SLC9A6: variants seen among roughly 807,000 people sequenced by gnomAD.
SLC9A6 encodes the protein solute carrier family 9 member A6.
A neutral mutation model predicts 45.3 loss-of-function variants in SLC9A6; 6 were observed. That is an observed-to-expected ratio of 0.13 (90% CI 0.07 to 0.26). SLC9A6 has a LOEUF of 0.26. SLC9A6 is among the 10% of genes least tolerant of loss of function. The pLI is 1.00. For missense variants in SLC9A6, 278 were observed against 503.7 expected (o/e 0.55, Z 4.29); for synonymous variants, 191 against 187.7 (o/e 1.02, Z -0.14).
chrX:136,014,313 C>G (rs1556619002), intron 10 of SLC9A6, among the ~76,000 whole-genome samples: 1 of 110,859 alleles, frequency 9.0e-6, no homozygotes, highest in Non-Finnish European at 1.9e-5. Context: ...CCCAGCCCCT[C>G]AAAAGAGATT....
At chrX:136,032,256 G>A (rs782331515) in intron 15 of SLC9A6, among the ~76,000 whole-genome samples, 1 of 111,852 alleles carries the variant, frequency 8.9e-6, no homozygotes, top group South Asian at 3.8e-4. Context: ...GTTTTTAGTA[G>A]AGACGGGGTT....
intron 1 of SLC9A6, chrX:135,974,900 C>G: frequency 7.6e-6 from 2 of 261,531 alleles, no homozygotes; most frequent in Non-Finnish European, 1.5e-5. Context: ...ATGCTAATAA[C>G]GCAGCCTTCT....
intron 12 of SLC9A6, among the ~76,000 whole-genome samples, chrX:136,024,017 G>C (rs782634666): frequency 1.7e-3 from 189 of 110,473 alleles, no homozygotes; most frequent in African/African-American, 6.1e-3. Flanking sequence ...CTCCCAAGTA[G>C]CTGGGATTAC....
At chrX:136,037,956 A>G (rs1276873089) in intron 16 of SLC9A6, among the ~76,000 whole-genome samples, 2 of 112,288 alleles carry the variant, frequency 1.8e-5, no homozygotes, top group Non-Finnish European at 3.8e-5. Flanking sequence ...TTGGTCTTCT[A>G]TATACATAAT....
chrX:135,980,346 C>T (rs2089280970), upstream of SLC9A6, among the ~76,000 whole-genome samples: 1 of 109,220 alleles, frequency 9.2e-6, no homozygotes, highest in Admixed American at 9.9e-5. Flanking sequence ...CCTACCAATA[C>T]ATGAATTATT....
chrX:136,005,331 G>A lies in SLC9A6; in HGVS notation c.743+3118G>A, dbSNP rs1177154284. Among the ~76,000 whole-genome samples the A allele has an allele frequency of 2.7e-5, 3 of 112,662 alleles. No individual in the cohort carries two copies. In the East Asian group the frequency reaches 8.3e-4, roughly 31 times the overall value. ...GTGTGAAAGGGGTCAAAACCTCATT[G>A]AAAGATTTTAAGCTTGGGGGTGTAC... On this transcript the variant is annotated intron_variant, in intron 7 of 17. Transcript: ENST00000630721.
intron 2 of SLC9A6, among the ~76,000 whole-genome samples, chrX:135,986,144 G>C (rs964645106): frequency 9.1e-6 from 1 of 110,443 alleles, no homozygotes; most frequent in Non-Finnish European, 1.9e-5. Flanking sequence ...GAAAACGAGT[G>C]GGCGCGGTGT....
At chrX:135,988,037 CTT>C (rs1191482683) in intron 2 of SLC9A6, among the ~76,000 whole-genome samples, 5 of 111,566 alleles carry the variant, frequency 4.5e-5, no homozygotes, top group African/African-American at 1.6e-4. Flanking sequence ...CAAATACAGT[CTT>C]TTTAAGAGAA....
At chrX:136,016,816 G>T (rs2071027994) in intron 11 of SLC9A6, 58 bp downstream of exon 11, 3 of 667,965 alleles carry the variant, frequency 4.5e-6, no homozygotes, top group East Asian at 3.3e-5. Flanking sequence ...TTTCATGTGG[G>T]TTTTGAGTAT....
At chrX:136,011,652 A>T (rs2070924630) in intron 8 of SLC9A6, among the ~76,000 whole-genome samples, 1 of 112,176 alleles carries the variant, frequency 8.9e-6, no homozygotes, top group Admixed American at 9.5e-5. Context: ...GACAAACATG[A>T]CCTCTGCCTC....
At chrX:136,029,169 A>T (rs12557699) in intron 14 of SLC9A6, among the ~76,000 whole-genome samples, 194 bp downstream of exon 14, 8,083 of 110,866 alleles carry the variant, frequency 0.073, 333 homozygotes, top group African/African-American at 0.16. Context: ...CATGGGAGGC[A>T]CAGGAGAGGA....
upstream of SLC9A6, among the ~76,000 whole-genome samples, chrX:135,980,834 C>G (rs1210709069): frequency 1.8e-5 from 2 of 112,385 alleles, no homozygotes; most frequent in Non-Finnish European, 3.8e-5. Flanking sequence ...TAGGATTATA[C>G]GTGTGAGCCA....
chrX:136,013,906 A>C (rs782046807), intron 10 of SLC9A6, among the ~76,000 whole-genome samples: 1 of 112,364 alleles, frequency 8.9e-6, no homozygotes, highest in South Asian at 3.7e-4. Context: ...ATCTGATTAG[A>C]CCTACTAAGA....
At chrX:135,993,872 T>C (rs1325073307) in intron 2 of SLC9A6, among the ~76,000 whole-genome samples, 1 of 111,820 alleles carries the variant, frequency 8.9e-6, no homozygotes, top group Non-Finnish European at 1.9e-5. Context: ...GCAATCTGTT[T>C]GATGTCATAG....
At chrX:135,992,355 C>T (rs1785948699) in intron 2 of SLC9A6, among the ~76,000 whole-genome samples, 2 of 112,110 alleles carry the variant, frequency 1.8e-5, no homozygotes, top group African/African-American at 6.5e-5. Context: ...CCTACAGTAG[C>T]CCTGTATCTA....
chrX:136,006,959 C>T (rs1556618082), intron 7 of SLC9A6, among the ~76,000 whole-genome samples: 1 of 110,547 alleles, frequency 9.0e-6, no homozygotes, highest in Non-Finnish European at 1.9e-5. Context: ...CTCCGCCTCC[C>T]AGGTTCAAGC....
intron 2 of SLC9A6, among the ~76,000 whole-genome samples, chrX:135,988,326 G>A (rs1197064948): frequency 9.0e-6 from 1 of 111,512 alleles, no homozygotes; most frequent in African/African-American, 3.3e-5. Context: ...TTCTCATTGT[G>A]GGCAATGGGT....
At position 135,998,546 on chromosome X, in the gene SLC9A6, G is replaced by T; in HGVS notation, c.512G>T (p.Cys171Phe). 1 of 1,170,692 alleles carries T rather than the reference G, an allele frequency of 8.5e-7. No homozygotes were observed. Among genetic ancestry groups the T allele is most frequent in the Non-Finnish European group, 1.2e-6 (1 of 866,639 alleles). ...AYAFLGTAIS[C>F]FVIGSIMYGC... ...GCTTTTCTTGGAACAGCAATTTCTTGTTTCGTTATTGGGTAAGTATTTTAA... is the reference window on the plus strand; with the variant it reads ...GCTTTTCTTGGAACAGCAATTTCTTTTTTCGTTATTGGGTAAGTATTTTAA... Residue 171 changes from cysteine to phenylalanine, a missense_variant, in exon 5 of 18, where the codon TGT (cysteine) becomes TTT (phenylalanine). Transcript: ENST00000630721.
intron 11 of SLC9A6, among the ~76,000 whole-genome samples, chrX:136,021,614 T>C (rs782670204): frequency 8.9e-6 from 1 of 111,959 alleles, no homozygotes; most frequent in South Asian, 3.7e-4. Flanking sequence ...GCAGCCTCCA[T>C]CTCCTGGGTT....
Sources: allele counts gnomAD v4.1 joint callset (sites outside exome capture counted in the v4.1 genomes callset), GRCh38; gene constraint gnomAD v4.1.1; transcripts MANE v1.5; gene names NCBI Gene and HGNC (gene_info 2026-07-23, HGNC 2026-07-21).